Variants in NEDD4L observed in about 807,000 individuals in gnomAD.
The protein encoded by NEDD4L is NEDD4 like E3 ubiquitin protein ligase.
Under a neutral mutation model 148.9 loss-of-function variants are expected in NEDD4L, and 54 were observed. The ratio of observed to expected loss-of-function variants is 0.36; its 90% CI spans 0.29 to 0.45. The LOEUF is 0.45. NEDD4L is among the 20% of genes least tolerant of loss of function. NEDD4L has a pLI of 1.00. For synonymous variants in NEDD4L, 433 were observed against 440.7 expected (o/e 0.98, Z 0.22); for missense variants, 856 against 1,233.8 (o/e 0.69, Z 4.59).
intron 5 of NEDD4L, among the ~76,000 whole-genome samples, chr18:58,315,134 T>C (rs1045847932): frequency 2.0e-5 from 3 of 152,162 alleles, no homozygotes; most frequent in African/African-American, 7.2e-5. Context: ...GCTGCATCTT[T>C]TTATATGAGA....
rs115300568 is a variant in NEDD4L, at chr18:58,172,738, T to C, written c.122+6877T>C. Among the ~76,000 whole-genome samples, 943 of 152,282 alleles carry C rather than the reference T, an allele frequency of 6.2e-3. 12 individuals carry two copies. The highest frequency in any genetic ancestry group is 0.021 in the African/African-American group (890 of 41,552). The stretch of plus-strand genomic sequence containing the variant: ...CTGCCTAAATCTTGTGAAGAGGGGA[T>C]TTCCATTTGATAGGTAAGAAAATTG... On this transcript the variant is annotated intron_variant, in intron 2 of 30. Coordinates refer to ENST00000400345, the MANE Select transcript of NEDD4L (RefSeq NM_001144967.3).
intron 1 of NEDD4L, among the ~76,000 whole-genome samples, chr18:58,151,623 ATATGTGTGTG>A (rs1015234611): frequency 1.8e-5 from 1 of 56,604 alleles, no homozygotes; most frequent in African/African-American, 6.6e-5. Context: ...CTGTGCCTGG[ATATGTGTGTG>A]TGTGTGTGTG....
chr18:58,056,238 C>T (rs1406745137), intron 1 of NEDD4L, among the ~76,000 whole-genome samples: 1 of 152,214 alleles, frequency 6.6e-6, no homozygotes, highest in African/African-American at 2.4e-5. Context: ...GTTTCTTGTA[C>T]TCACACCATC....
At position 58,348,326 on chromosome 18, in the gene NEDD4L, C is replaced by CTTTTTTTTTTTT. The variant is rs771263533; in HGVS notation, c.1576-1199_1576-1188dup. 5.4e-4 allele frequency among the ~76,000 whole-genome samples: 48 copies of CTTTTTTTTTTTT among 88,638 alleles called. 3 individuals are homozygous for CTTTTTTTTTTTT. Among genetic ancestry groups the CTTTTTTTTTTTT allele is most frequent in the Admixed American group, 6.6e-4 (5 of 7,532 alleles). 58.1% of individuals were successfully genotyped at this position (88,638 alleles called of 152,430 possible). A position where few individuals can be genotyped will look rare whatever the true frequency, so the allele number is the denominator to read the frequency against. ...CACTGCATTTCTTTTTCTTTTTTTT[C>CTTTTTTTTTTTT]TTTTTTTTTTTTTTTTTTTTTTTGA... On this transcript the variant is annotated intron_variant, in intron 16 of 30. Transcript: ENST00000400345.
At chr18:58,267,918 G>A (rs940851703) in intron 5 of NEDD4L, among the ~76,000 whole-genome samples, 2 of 152,030 alleles carry the variant, frequency 1.3e-5, no homozygotes, top group Non-Finnish European at 2.9e-5. Flanking sequence ...CTTCAGAAGC[G>A]TTTTCCAGGA....
chr18:58,241,135 A>C (rs2046586542), intron 2 of NEDD4L, among the ~76,000 whole-genome samples: 2 of 152,212 alleles, frequency 1.3e-5, no homozygotes, highest in Admixed American at 6.5e-5. Context: ...TTAAGTGCTC[A>C]CTATACTCCT....
chr18:58,385,461 C>G, intron 25 of NEDD4L, 65 bp from the exon 26 acceptor site: 1 of 1,296,692 alleles, frequency 7.7e-7, no homozygotes, highest in South Asian at 1.2e-5. Flanking sequence ...CTCCCTGTTG[C>G]GGAGAAAGCA....
chr18:58,345,564 G>T (rs2145357880), intron 16 of NEDD4L, among the ~76,000 whole-genome samples: 1 of 152,226 alleles, frequency 6.6e-6, no homozygotes, highest in South Asian at 2.1e-4. Context: ...GGGCACTGTT[G>T]ATTCTTACAC....
chr18:58,385,647 C>T (rs2048913994), intron 26 of NEDD4L, 61 bp downstream of exon 26: 3 of 1,346,146 alleles, frequency 2.2e-6, no homozygotes, highest in African/African-American at 1.4e-5. Context: ...GATGGGGGAT[C>T]GCGCTTCTCC....
intron 1 of NEDD4L, among the ~76,000 whole-genome samples, chr18:58,107,895 T>C (rs1458843734): frequency 1.3e-5 from 2 of 152,100 alleles, no homozygotes; most frequent in Admixed American, 1.3e-4. Flanking sequence ...TTTTTTTGTA[T>C]TTTTAGTAAA....
intron 2 of NEDD4L, among the ~76,000 whole-genome samples, chr18:58,242,733 CGG>C: frequency 6.6e-6 from 1 of 152,196 alleles, no homozygotes; most frequent in South Asian, 2.1e-4. Context: ...CTTGAACCCC[CGG>C]GCTCAAGCGA....
chr18:58,351,460 A>G (rs893108007), intron 18 of NEDD4L, among the ~76,000 whole-genome samples: 1 of 152,248 alleles, frequency 6.6e-6, no homozygotes, highest in Non-Finnish European at 1.5e-5. Context: ...CAAGGGTCCT[A>G]TGGCAGGATG....
intron 5 of NEDD4L, among the ~76,000 whole-genome samples, chr18:58,313,042 G>A (rs2057877101): frequency 6.6e-6 from 1 of 152,182 alleles, no homozygotes; most frequent in African/African-American, 2.4e-5. Context: ...TGAACTTTCT[G>A]TAGTTTTAGC....
intron 5 of NEDD4L, among the ~76,000 whole-genome samples, chr18:58,280,013 T>A (rs1156899591): frequency 2.0e-5 from 3 of 152,110 alleles, no homozygotes; most frequent in Admixed American, 2.0e-4. Flanking sequence ...CAGCAAACCA[T>A]CTAGTTTATA....
intron 30 of NEDD4L, among the ~76,000 whole-genome samples, chr18:58,392,125 G>C (rs2049911948): frequency 6.6e-6 from 1 of 152,226 alleles, no homozygotes; most frequent in East Asian, 1.9e-4. Context: ...GACGCAGAAG[G>C]GTCCCAGTTG....
At chr18:58,329,294 A>G (rs1243146381) in intron 10 of NEDD4L, among the ~76,000 whole-genome samples, 167 bp downstream of exon 10, 1 of 152,254 alleles carries the variant, frequency 6.6e-6, no homozygotes, top group Non-Finnish European at 1.5e-5. Flanking sequence ...GAAAGTGCCT[A>G]TAAAAGCCGT....
chr18:58,381,941 CTAG>C (rs946597806), intron 24 of NEDD4L, among the ~76,000 whole-genome samples: 9 of 151,960 alleles, frequency 5.9e-5, no homozygotes, highest in African/African-American at 2.2e-4. Context: ...AAGATGGCAG[CTAG>C]AAAGGGAAAT....
intron 2 of NEDD4L, among the ~76,000 whole-genome samples, chr18:58,221,289 A>C (rs566121204): frequency 1.3e-5 from 2 of 152,232 alleles, no homozygotes; most frequent in South Asian, 2.1e-4. Flanking sequence ...CCCGCCAGAC[A>C]TAGAGTCATC....
chr18:58,124,352 C>A (rs1384985119), intron 1 of NEDD4L, among the ~76,000 whole-genome samples: 1 of 152,206 alleles, frequency 6.6e-6, no homozygotes, highest in Non-Finnish European at 1.5e-5. Flanking sequence ...CCACTAAGCC[C>A]GATTTCTGTG....
Sources: allele counts gnomAD v4.1 joint callset (sites outside exome capture counted in the v4.1 genomes callset), GRCh38; gene constraint gnomAD v4.1.1; transcripts MANE v1.5; gene names NCBI Gene and HGNC (gene_info 2026-07-23, HGNC 2026-07-21).